The following RANBP2 variants were observed in gnomAD, a reference collection of about 807,000 sequenced individuals.
RANBP2 encodes RAN binding protein 2, also known as E3 SUMO-protein ligase RanBP2.
Under a neutral mutation model 303.6 loss-of-function variants are expected in RANBP2, and 57 were observed. The ratio of observed to expected loss-of-function variants is 0.19; its 90% CI spans 0.15 to 0.23. The LOEUF (loss-of-function observed/expected upper bound fraction) is 0.23, where lower values mean the gene tolerates loss of function less well. RANBP2 is among the 10% of genes least tolerant of loss of function. The probability of loss-of-function intolerance (pLI) is 1.00; values close to 1 mark genes in which losing one functional copy is unlikely to be tolerated. For missense variants in RANBP2, 3,138 were observed against 3,780.8 expected, an observed-to-expected ratio of 0.83 and a Z score of 4.46; for synonymous variants, 1,167 against 1,301.5, an observed-to-expected ratio of 0.90 and a Z score of 2.23.
the RANBP2 span, among the ~76,000 whole-genome samples, chr2:109,513,556 G>A: frequency 6.6e-6 from 1 of 151,202 alleles, no homozygotes. Flanking sequence ...CACACACACT[G>A]CATGCACACA....
chr2:109,489,868 T>G, the RANBP2 span, among the ~76,000 whole-genome samples: 2 of 152,154 alleles, frequency 1.3e-5, no homozygotes, highest in East Asian at 1.9e-4. Flanking sequence ...CTCCTGAGTA[T>G]CTGGGATTAC....
the RANBP2 span, among the ~76,000 whole-genome samples, chr2:109,189,838 T>C: frequency 6.6e-6 from 1 of 152,174 alleles, no homozygotes; most frequent in Admixed American, 6.5e-5. Flanking sequence ...AAGCCGACAG[T>C]GGCCAGAGAT....
the RANBP2 span, among the ~76,000 whole-genome samples, chr2:109,761,399 C>G: frequency 2.7e-5 from 4 of 150,764 alleles, no homozygotes; most frequent in African/African-American, 9.7e-5. Context: ...CCTCTGGGCC[C>G]TTTCTTCACA....
the RANBP2 span, among the ~76,000 whole-genome samples, chr2:109,300,845 A>G: frequency 6.6e-6 from 1 of 152,150 alleles, no homozygotes; most frequent in Non-Finnish European, 1.5e-5. Context: ...CAAGGCTCCT[A>G]CTAAATCAGA....
the RANBP2 span, chr2:109,594,723 G>GCATGCACACACGCA: frequency 2.0e-5 from 3 of 152,190 alleles, no homozygotes; most frequent in East Asian, 1.9e-4. Flanking sequence ...GCACGCATGC[G>GCATGCACACACGCA]CATGCACACA....
chr2:109,615,519 G>A, the RANBP2 span: 2 of 1,613,888 alleles, frequency 1.2e-6, no homozygotes, highest in Non-Finnish European at 8.5e-7. Flanking sequence ...GGGTTACACC[G>A]CCCTGCACTT....
chr2:108,734,895 C>T (rs1024299877), intron 4 of RANBP2, among the ~76,000 whole-genome samples: 8 of 151,638 alleles, frequency 5.3e-5, no homozygotes, highest in Admixed American at 2.6e-4. Flanking sequence ...CTCTACAGAA[C>T]GTTAAAAAAA....
At chr2:109,091,778 T>C in the RANBP2 span, among the ~76,000 whole-genome samples, 2 of 152,196 alleles carry the variant, frequency 1.3e-5, no homozygotes, top group African/African-American at 4.8e-5. Context: ...ATGGATTTAA[T>C]TGCAATACAG....
At chr2:109,035,579 C>A in the RANBP2 span, among the ~76,000 whole-genome samples, 1 of 150,594 alleles carries the variant, frequency 6.6e-6, no homozygotes, top group Non-Finnish European at 1.5e-5. Flanking sequence ...AAGGCCTGGT[C>A]CCCCCTGGTC....
At chr2:109,371,750 C>A in the RANBP2 span, 1 of 1,372,900 alleles carries the variant, frequency 7.3e-7, no homozygotes, top group African/African-American at 1.4e-5. Context: ...AGTGGGGTCA[C>A]CTGACCTTCA....
the RANBP2 span, among the ~76,000 whole-genome samples, chr2:109,079,516 T>C: frequency 6.6e-6 from 1 of 152,186 alleles, no homozygotes; most frequent in Non-Finnish European, 1.5e-5. Context: ...GCTGTATACC[T>C]TAAATGTATA....
the RANBP2 span, among the ~76,000 whole-genome samples, chr2:109,482,894 T>C: frequency 3.9e-5 from 6 of 152,282 alleles, no homozygotes; most frequent in Non-Finnish European, 8.8e-5. Flanking sequence ...GCTATTTTCA[T>C]GAACCAATTT....
At chr2:109,503,431 G>T in the RANBP2 span, 3 of 152,188 alleles carry the variant, frequency 2.0e-5, no homozygotes, top group African/African-American at 7.2e-5. Flanking sequence ...CACGGCGGGG[G>T]TCATGCCTTT....
At chr2:108,800,608 CTTTTTTTTTTTTTT>C in the RANBP2 span, among the ~76,000 whole-genome samples, 6 of 33,492 alleles carry the variant, frequency 1.8e-4, no homozygotes, top group Admixed American at 1.1e-3. Context: ...CTCAGTTTAG[CTTTTTTTTTTTTTT>C]TTTTTTTTTT....
the RANBP2 span, among the ~76,000 whole-genome samples, chr2:109,151,420 T>G: frequency 6.6e-6 from 1 of 152,160 alleles, no homozygotes; most frequent in Non-Finnish European, 1.5e-5. Flanking sequence ...AATTTTATAC[T>G]CCAAAGCAGC....
chr2:109,543,266 T>G, the RANBP2 span: 1 of 152,196 alleles, frequency 6.6e-6, no homozygotes, highest in African/African-American at 2.4e-5. Flanking sequence ...AGACAGAGTT[T>G]AAACAAGTAT....
chr2:109,111,114 G>GA, the RANBP2 span, among the ~76,000 whole-genome samples: 1 of 152,276 alleles, frequency 6.6e-6, no homozygotes, highest in South Asian at 2.1e-4. Context: ...ATCTCATGCT[G>GA]AAAGTCTTAC....
the RANBP2 span, among the ~76,000 whole-genome samples, chr2:109,658,302 C>A: frequency 6.8e-6 from 1 of 146,444 alleles, no homozygotes; most frequent in Non-Finnish European, 1.5e-5. Context: ...AAAAAATTAG[C>A]CAGGCATGGT....
chr2:109,677,001 A>C, the RANBP2 span, among the ~76,000 whole-genome samples: 1 of 152,040 alleles, frequency 6.6e-6, no homozygotes, highest in Non-Finnish European at 1.5e-5. Flanking sequence ...GGTTTTCCAC[A>C]TTTGCCCCAC....
Sources: gnomAD v4.1 joint callset for allele counts (sites outside exome capture counted in the v4.1 genomes callset) on GRCh38, gnomAD v4.1.1 for gene constraint, MANE v1.5 for transcripts, NCBI Gene and HGNC (gene_info 2026-07-23, HGNC 2026-07-21) for gene names.